Variants in ZNF606 observed in about 807,000 individuals in gnomAD.
The protein encoded by ZNF606 is zinc finger protein 606.
Under a neutral mutation model 74.9 loss-of-function variants are expected in ZNF606, and 37 were observed. The ratio of observed to expected loss-of-function variants is 0.49; its 90% confidence interval spans 0.38 to 0.65. The LOEUF (loss-of-function observed/expected upper bound fraction) is 0.65. ZNF606 is among the 30% of genes least tolerant of loss of function. ZNF606 has a pLI of 0.00. For missense variants in ZNF606, 852 were observed against 952.9 expected, an observed-to-expected ratio of 0.89 and a Z score of 1.39; for synonymous variants, 328 against 312.4, an observed-to-expected ratio of 1.05 and a Z score of -0.53.
chr19:57,985,027 G>A (rs1395883498), intron 6 of ZNF606, among the ~76,000 whole-genome samples: 7 of 152,226 alleles, frequency 4.6e-5, no homozygotes, highest in East Asian at 3.9e-4. Flanking sequence ...CCTGGGAGGC[G>A]GAGCTTGCAG....
At chr19:57,983,690 TC>T (rs2073123667) in intron 6 of ZNF606, among the ~76,000 whole-genome samples, 1 of 151,930 alleles carries the variant, frequency 6.6e-6, no homozygotes, top group Non-Finnish European at 1.5e-5. Context: ...ACTGAAGTGA[TC>T]GAGGATGGTT....
At chr19:57,997,647 A>G (rs1289468611) in intron 4 of ZNF606, 1 of 152,214 alleles carries the variant, frequency 6.6e-6, no homozygotes, top group Admixed American at 6.5e-5. Flanking sequence ...TTTTCTCAGC[A>G]TTAACTTAGA....
chr19:57,991,304 C>T (rs2073255698), intron 4 of ZNF606, among the ~76,000 whole-genome samples: 1 of 152,130 alleles, frequency 6.6e-6, no homozygotes, highest in South Asian at 2.1e-4. Context: ...TTGTGATTGT[C>T]AAGTCCAAAG....
At chr19:58,000,105 T>C (rs112421554) in intron 3 of ZNF606, 41,941 of 562,032 alleles carry the variant, frequency 0.075, 2,024 homozygotes, top group Middle Eastern at 0.11. Flanking sequence ...CCCTGTGCTA[T>C]TGGGTACCAT....
intron 4 of ZNF606, among the ~76,000 whole-genome samples, chr19:57,990,163 C>A (rs925431504): frequency 2.0e-5 from 3 of 150,612 alleles, no homozygotes; most frequent in Non-Finnish European, 4.4e-5. Flanking sequence ...GAGATTGAGA[C>A]CATCCTGGCT....
At chr19:57,990,562 A>T (rs2073243045) in intron 4 of ZNF606, among the ~76,000 whole-genome samples, 1 of 148,160 alleles carries the variant, frequency 6.7e-6, no homozygotes. Context: ...AAAAAAAAAA[A>T]TCAACCGCAA....
intron 3 of ZNF606, chr19:58,000,225 TTTC>T (rs1043845653): frequency 1.0e-5 from 4 of 400,564 alleles, no homozygotes; most frequent in African/African-American, 9.3e-5. Context: ...GCTCACTGGT[TTTC>T]TTTTTTTTTT....
Position 57,977,691 on chromosome 19 carries a change from T to C in ZNF606, c.*610A>G, listed in dbSNP as rs2073010837. On this transcript the variant is annotated 3_prime_UTR_variant, in exon 7 of 7. Coordinates refer to ENST00000551380, the MANE Select transcript of ZNF606 (RefSeq NM_001348022.3). Reference sequence around the variant, plus strand: ...TCACACTCCTAGGCAATAACTTTTCTACCGTTAGTCATCTCATTCATTAAT... The same window carrying C: ...TCACACTCCTAGGCAATAACTTTTCCACCGTTAGTCATCTCATTCATTAAT... 6.6e-6 allele frequency: 1 copy of C among 152,282 alleles called. No homozygotes were observed. 9.4% of individuals were successfully genotyped at this position (152,282 alleles called of 1,614,324 possible).
intron 1 of ZNF606, chr19:58,001,956 C>T: frequency 5.7e-6 from 2 of 349,446 alleles, no homozygotes; most frequent in South Asian, 4.3e-5. Context: ...GTGTGGAGGA[C>T]TTAGAGATGG....
At position 58,002,559 on chromosome 19, in the gene ZNF606, C is replaced by T. The variant is rs991987852; in HGVS notation, c.-215G>A. 11 of 428,900 alleles carry T rather than the reference C, an allele frequency of 2.6e-5. No individual in the cohort carries two copies. Among genetic ancestry groups the T allele is most frequent in the Non-Finnish European group, 4.7e-5 (10 of 214,210 alleles). The allele number at this position is 428,900 out of a possible 1,614,324, so 26.6% of individuals were successfully genotyped here. On this transcript the variant is annotated 5_prime_UTR_variant, in exon 1 of 7. Coordinates refer to ENST00000551380, the MANE Select transcript of ZNF606 (RefSeq NM_001348022.3). ...AAAGGCCCGCGGAGCCGACGTGCAG[C>T]AGAGTTCACCCAGGCCCGTCCGACC...
rs1568587475 is a variant in ZNF606 at position 58,002,559 on chromosome 19, CAG to C, written c.-217_-216del. Reference sequence around the variant, plus strand: ...AAAGGCCCGCGGAGCCGACGTGCAGCAGAGTTCACCCAGGCCCGTCCGACCAG... The same window carrying C: ...AAAGGCCCGCGGAGCCGACGTGCAGCAGTTCACCCAGGCCCGTCCGACCAG... On this transcript the variant is annotated 5_prime_UTR_variant, in exon 1 of 7. Transcript: ENST00000551380. 7.0e-6 allele frequency: 3 copies of C among 428,900 alleles called. No homozygotes were observed. The East Asian group carries it at 2.1e-4, about 30-fold the overall frequency. The allele number at this position is 428,900 out of a possible 1,614,324, so 26.6% of individuals were successfully genotyped here. A position where few individuals can be genotyped will look rare whatever the true frequency, so the allele number is the denominator to read the frequency against.
chr19:57,996,745 C>T (rs555741693), intron 4 of ZNF606, among the ~76,000 whole-genome samples: 39 of 152,252 alleles, frequency 2.6e-4, no homozygotes, highest in South Asian at 1.5e-3. Flanking sequence ...CAGGGAGGAG[C>T]AAACCCTTCT....
chr19:57,988,933 G>A (rs531882161), intron 4 of ZNF606, among the ~76,000 whole-genome samples: 1 of 152,276 alleles, frequency 6.6e-6, no homozygotes, highest in East Asian at 1.9e-4. Flanking sequence ...AGATACCTGG[G>A]TCCACAATAA....
At chr19:58,000,302 C>T (rs952232881) in intron 3 of ZNF606, 6 of 490,342 alleles carry the variant, frequency 1.2e-5, no homozygotes, top group African/African-American at 2.0e-5. Context: ...GCTCACTGCA[C>T]GCTCCGCCTC....
rs998594720 is a variant in ZNF606, at chr19:57,977,452, C to T, written c.*849G>A. On this transcript the variant is annotated 3_prime_UTR_variant, in exon 7 of 7. Transcript: ENST00000551380. ...GATCTTTCAGGTCCTTACCCATATA[C>T]ATTTTTTTAGATGTGTTACAGTAAG... is the stretch of plus-strand genomic sequence containing the variant. 3 of 152,204 alleles carry T rather than the reference C, an allele frequency of 2.0e-5. No homozygotes were observed. Among genetic ancestry groups the T allele is most frequent in the Admixed American group, 6.5e-5 (1 of 15,286 alleles). The allele number at this position is 152,204 out of a possible 1,614,324, so 9.4% of individuals were successfully genotyped here.
intron 4 of ZNF606, among the ~76,000 whole-genome samples, chr19:57,995,980 T>C (rs1189216505): frequency 1.3e-5 from 2 of 152,192 alleles, no homozygotes. Context: ...AAAACAGTAA[T>C]ATTGTTCACT....
At chr19:58,002,913 C>A (rs1157120324), upstream of ZNF606, 2 of 445,114 alleles carry the variant, frequency 4.5e-6, no homozygotes, top group South Asian at 1.6e-5. Flanking sequence ...TCCTGGGCCG[C>A]GCCGCCTCGC....
At chr19:58,002,240 C>T in intron 1 of ZNF606, 156 bp downstream of exon 1, 1 of 456,800 alleles carries the variant, frequency 2.2e-6, no homozygotes, top group Non-Finnish European at 4.4e-6. Flanking sequence ...TGTGAACTGG[C>T]AGGGGGAGAA....
intron 6 of ZNF606, among the ~76,000 whole-genome samples, chr19:57,987,663 A>C (rs913602648): frequency 6.6e-6 from 1 of 152,054 alleles, no homozygotes; most frequent in Non-Finnish European, 1.5e-5. Flanking sequence ...CCCCGTCTCT[A>C]CTAAAAATAC....
Sources: gnomAD v4.1 joint callset for allele counts (sites outside exome capture counted in the v4.1 genomes callset) on GRCh38, gnomAD v4.1.1 for gene constraint, MANE v1.5 for transcripts, NCBI Gene and HGNC (gene_info 2026-07-23, HGNC 2026-07-21) for gene names.